CRYBG2: variants seen among roughly 807,000 people sequenced by gnomAD.
CRYBG2 encodes crystallin beta-gamma domain containing 2, also known as beta/gamma crystallin domain-containing protein 2.
Under a neutral mutation model 153.4 loss-of-function variants are expected in CRYBG2, and 106 were observed. That is an observed-to-expected ratio of 0.69 (90% confidence interval 0.59 to 0.81). The LOEUF is 0.81. CRYBG2 is among the 30% of genes least tolerant of loss of function. The pLI, the probability that CRYBG2 is intolerant of heterozygous loss-of-function variation, is 0.00. For synonymous variants in CRYBG2, 851 were observed against 877.8 expected, an observed-to-expected ratio of 0.97 and a Z score of 0.54; for missense variants, 1,996 against 2,112.0, an observed-to-expected ratio of 0.95 and a Z score of 1.08.
intron 1 of CRYBG2, among the ~76,000 whole-genome samples, chr1:26,352,312 C>T (rs2074295462): frequency 6.6e-6 from 1 of 152,076 alleles, no homozygotes; most frequent in African/African-American, 2.4e-5. Flanking sequence ...TACACTCACC[C>T]AAGAAATACA....
chr1:26,337,290 T>C lies in CRYBG2; in HGVS notation c.3734A>G (p.Tyr1245Cys). The C allele has an allele frequency of 2.5e-6, 4 of 1,614,080 alleles. No individual in the cohort carries two copies. Among genetic ancestry groups the C allele is most frequent in the Non-Finnish European group, 3.4e-6 (4 of 1,179,976 alleles). The part of the protein sequence containing the change: ...EYPDWSHWGG[Y>C]DELLTSLRVI... Reference sequence around the variant, plus strand: ...CCGGAGGGAGGTCAGCAACTCGTCATAGCCTCCCCAGTGTGACCAGTCTGG... The same window carrying C: ...CCGGAGGGAGGTCAGCAACTCGTCACAGCCTCCCCAGTGTGACCAGTCTGG... The change falls in exon 10 of 20, where the codon TAT (tyrosine) becomes TGT (cysteine). Residue 1245 changes from tyrosine to cysteine, a missense_variant. Coordinates refer to ENST00000308182, the MANE Select transcript of CRYBG2 (RefSeq NM_001039775.4).
At position 26,336,282 on chromosome 1, in the gene CRYBG2, C is replaced by T; in HGVS notation, c.4071+56G>A. ...CGAGAACAGCGGGGAGGGGAAAGGT[C>T]CGAAATGAGGGGAGAGACGTGAGCC... is the stretch of plus-strand genomic sequence containing the variant. On this transcript the variant is annotated intron_variant, in intron 13 of 19. Transcript: ENST00000308182. This position sits in a 1 kb window ranked among gnomAD's most constrained non-coding sequence, Gnocchi z 4.9. 6.2e-7 allele frequency: 1 copy of T among 1,607,726 alleles called. No individual in the cohort carries two copies. Among genetic ancestry groups the T allele is most frequent in the Non-Finnish European group, 8.5e-7 (1 of 1,176,546 alleles).
chr1:26,322,121 T>C (rs1310143754), intron 19 of CRYBG2, 43 bp downstream of exon 19: 2 of 1,600,744 alleles, frequency 1.2e-6, no homozygotes, highest in Non-Finnish European at 1.7e-6. Context: ...TCCATGGCTC[T>C]CAGCCCCCTC....
In CRYBG2 at chr1:26,345,494, C is replaced by T; in HGVS notation, c.1164G>A (p.Leu388=). 5.7e-6 allele frequency: 9 copies of T among 1,591,090 alleles called. No individual in the cohort carries two copies. Among genetic ancestry groups the T allele is most frequent in the Non-Finnish European group, 6.9e-6 (8 of 1,167,820 alleles). Residue 388 remains leucine (L), a synonymous_variant, in exon 2 of 20, where the codon CTG becomes CTA. Coordinates refer to ENST00000308182, the MANE Select transcript of CRYBG2 (RefSeq NM_001039775.4). ...HPGARLTPLV[L]PPKKKDGPVD... is the part of the protein sequence containing the mutation. ...CGGGCCCGTCCTTTTTTTTAGGGGG[C>T]AGAACAAGGGGAGTGAGCCGGGCCC...
intron 18 of CRYBG2, 64 bp downstream of exon 18, chr1:26,324,088 C>A: frequency 6.4e-7 from 1 of 1,556,490 alleles, no homozygotes; most frequent in Non-Finnish European, 8.8e-7. Context: ...GGCTGGGACT[C>A]CCCAGAGTGG....
Position 26,344,405 on chromosome 1 carries a change from T to A in CRYBG2, c.2253A>T (p.Thr751=). 6.6e-7 allele frequency: 1 copy of A among 1,522,372 alleles called. No homozygotes were observed. The highest frequency in any genetic ancestry group is 8.8e-7 in the Non-Finnish European group (1 of 1,132,108). The allele number at this position is 1,522,372 out of a possible 1,614,324, so 94.3% of individuals were successfully genotyped here. The change falls in exon 2 of 20, where the codon ACA becomes ACT. Residue 751 remains threonine, a synonymous_variant. Coordinates refer to ENST00000308182, the MANE Select transcript of CRYBG2 (RefSeq NM_001039775.4). ...GGGCCACCTCATCCTCCTCCCTTGA[T>A]GTCTCTGTGCACGTCTTGCCCTCGG... ...DPTEGKTCTE[T]SREEDEVALA... is the part of the protein sequence containing the mutation.
At chr1:26,347,207 C>T (rs745888995) in intron 1 of CRYBG2, among the ~76,000 whole-genome samples, 2 of 151,052 alleles carry the variant, frequency 1.3e-5, no homozygotes, top group African/African-American at 2.4e-5. Context: ...TTCTTCTGTT[C>T]AAGCATCAGG....
chr1:26,336,767 G>C lies in CRYBG2; in HGVS notation c.3912-35C>G. ...GGGCGGGGCGCGAGTCAGCTGGGAC[G>C]GAGCCTGCACCTCTCCTGGAACCGC... On this transcript the variant is annotated intron_variant, in intron 11 of 19. Coordinates refer to ENST00000308182, the MANE Select transcript of CRYBG2 (RefSeq NM_001039775.4). This position sits in a 1 kb window ranked among gnomAD's most constrained non-coding sequence, Gnocchi z 4.9. 6.4e-7 allele frequency: 1 copy of C among 1,571,354 alleles called. No individual in the cohort carries two copies. Among genetic ancestry groups the C allele is most frequent in the Non-Finnish European group, 8.6e-7 (1 of 1,158,410 alleles).
At chr1:26,330,480 G>A (rs1460017528) in intron 15 of CRYBG2, among the ~76,000 whole-genome samples, 10 of 150,918 alleles carry the variant, frequency 6.6e-5, no homozygotes, top group Non-Finnish European at 1.5e-4. Context: ...GATAATAATG[G>A]TAACACACCT....
Position 26,331,600 on chromosome 1 carries a change from C to T in CRYBG2, c.4203G>A (p.Glu1401=). The part of the protein sequence containing the change: ...VHGGSWILFD[E]TNFEGDQHIL... ...TGTGCTGGTCACCCTCGAAGTTCGT[C>T]TCATCAAACAGGATCCAGCTAGGGA... Residue 1401 remains glutamate, a synonymous_variant, in exon 15 of 20, where the codon GAG becomes GAA. Transcript: ENST00000308182. The T allele has an allele frequency of 6.2e-7, 1 of 1,614,026 alleles. No homozygotes were observed. The highest frequency in any genetic ancestry group is 8.5e-7 in the Non-Finnish European group (1 of 1,180,010).
At chr1:26,328,152 AG>A (rs2073954042) in intron 17 of CRYBG2, 56 bp downstream of exon 17, 1 of 1,533,384 alleles carries the variant, frequency 6.5e-7, no homozygotes, top group Admixed American at 2.0e-5. Flanking sequence ...TCATCCAGAA[AG>A]GCCTGCCCAG....
Position 26,343,652 on chromosome 1 carries a change from ACTCTGACTCCCAGCACCACT to A in CRYBG2, c.2913+73_2913+92del. 3 of 1,386,642 alleles carry A rather than the reference ACTCTGACTCCCAGCACCACT, an allele frequency of 2.2e-6. No individual in the cohort carries two copies. 85.9% of individuals were successfully genotyped at this position (1,386,642 alleles called of 1,614,324 possible). A position where few individuals can be genotyped will look rare whatever the true frequency, so the allele number is the denominator to read the frequency against. On this transcript the variant is annotated intron_variant, in intron 2 of 19. Transcript: ENST00000308182. This position sits in a 1 kb window ranked among gnomAD's most constrained non-coding sequence, Gnocchi z 4.1. ...TTCAGACAGAAGCCTCTGCCCCCAG[ACTCTGACTCCCAGCACCACT>A]CTCTTCACACCACTCAAGCCTTGAC...
At chr1:26,352,679 GT>G (rs1557724105) in intron 1 of CRYBG2, among the ~76,000 whole-genome samples, 2 of 151,880 alleles carry the variant, frequency 1.3e-5, no homozygotes, top group Admixed American at 1.3e-4. Context: ...ACCTGAGTCT[GT>G]CATTATCCAC....
At chr1:26,322,664 A>T (rs1310852809) in intron 18 of CRYBG2, among the ~76,000 whole-genome samples, 4 of 152,176 alleles carry the variant, frequency 2.6e-5, no homozygotes, top group Non-Finnish European at 4.4e-5. Context: ...TAACCTCTCT[A>T]TGCTCTGGTT....
intron 4 of CRYBG2, 53 bp from the exon 5 acceptor site, chr1:26,342,936 G>A: frequency 8.1e-6 from 13 of 1,604,984 alleles, no homozygotes; most frequent in Non-Finnish European, 1.1e-5. Context: ...TGTGCCCAGG[G>A]CTGCTGGGTA....
At chr1:26,341,404 C>G (rs140629347) in intron 5 of CRYBG2, among the ~76,000 whole-genome samples, 5 of 152,228 alleles carry the variant, frequency 3.3e-5, no homozygotes, top group Admixed American at 2.0e-4. Context: ...ACTGCTTTTA[C>G]AGTCATTGCT....
intron 15 of CRYBG2, 103 bp from the exon 16 acceptor site, chr1:26,328,976 C>A: frequency 7.2e-7 from 1 of 1,392,846 alleles, no homozygotes; most frequent in Non-Finnish European, 9.9e-7. Flanking sequence ...TATGTCAGGC[C>A]TTCTTCCCTC....
intron 1 of CRYBG2, among the ~76,000 whole-genome samples, chr1:26,348,756 A>G (rs909300714): frequency 6.6e-6 from 1 of 151,760 alleles, no homozygotes; most frequent in South Asian, 2.1e-4. Context: ...GGGTTTCACT[A>G]TGTTGCCCAG....
intron 18 of CRYBG2, among the ~76,000 whole-genome samples, chr1:26,323,667 G>A (rs2073886722): frequency 6.6e-6 from 1 of 151,770 alleles, no homozygotes; most frequent in African/African-American, 2.4e-5. Context: ...CACCAAGGCT[G>A]GAGTGCAGTG....
Sources: gnomAD v4.1 joint callset for allele counts (sites outside exome capture counted in the v4.1 genomes callset) on GRCh38, gnomAD v4.1.1 for gene constraint, Gnocchi (gnomAD v3.1) non-coding constraint, MANE v1.5 for transcripts, NCBI Gene and HGNC (gene_info 2026-07-23, HGNC 2026-07-21) for gene names.